The following FSD2 variants were observed in gnomAD, a reference collection of about 807,000 sequenced individuals.
FSD2 encodes fibronectin type III and SPRY domain containing 2.
FSD2 carries 71 observed loss-of-function variants against 80.4 expected under a neutral mutation model. The observed-to-expected ratio is 0.88, with a 90% CI of 0.73 to 1.08. The LOEUF (loss-of-function observed/expected upper bound fraction) is 1.08. Ranked by LOEUF, FSD2 falls within the 50% of genes least tolerant of loss-of-function variation. FSD2 has a pLI of 0.00. For synonymous variants in FSD2, 361 were observed against 329.5 expected (o/e 1.10, Z -1.03); for missense variants, 923 against 913.8 (o/e 1.01, Z -0.13).
Position 82,778,810 on chromosome 15 carries a change from A to C in FSD2, c.1067T>G (p.Phe356Cys). The C allele has an allele frequency of 6.2e-7, 1 of 1,613,904 alleles. No individual in the cohort carries two copies. The highest frequency in any genetic ancestry group is 8.5e-7 in the Non-Finnish European group (1 of 1,179,848). Residue 356 changes from phenylalanine to cysteine, a missense_variant, in exon 6 of 13, where the codon TTC (phenylalanine) becomes TGC (cysteine). Transcript: ENST00000334574. ...GCCCATCAGCTGCTCCACATCAGAGAAATCCAAGGTCTGGTCTTCAAACTC... is the reference window on the plus strand; with the variant it reads ...GCCCATCAGCTGCTCCACATCAGAGCAATCCAAGGTCTGGTCTTCAAACTC... ...QPEFEDQTLDFSDVEQLMGSI... is the reference protein window; with the variant it reads ...QPEFEDQTLDCSDVEQLMGSI...
Position 82,780,260 on chromosome 15 carries a change from A to G in FSD2, c.974T>C (p.Val325Ala). The G allele has an allele frequency of 2.0e-6, 3 of 1,504,190 alleles. No individual in the cohort carries two copies. The highest frequency in any genetic ancestry group is 2.6e-5 in the South Asian group (2 of 75,756). The allele number at this position is 1,504,190 out of a possible 1,614,324, so 93.2% of individuals were successfully genotyped here. A position where few individuals can be genotyped will look rare whatever the true frequency, so the allele number is the denominator to read the frequency against. The change falls in exon 5 of 13, where the codon GTG becomes GCG. Residue 325 changes from valine to alanine, a missense_variant. Physicochemically the swap from Val to Ala is moderately conservative, Grantham distance 64 (BLOSUM62 0). Coordinates refer to ENST00000334574, the MANE Select transcript of FSD2 (RefSeq NM_001007122.4). ...AATGTATTACCTGTCAGCCATAGCC[A>G]CTGCATCCTAAAAAGGAAAAAGAGA... ...EEKVDFIKDA[V>A]AMADRLGKFL...
Position 82,797,576 on chromosome 15 carries a change from C to T in FSD2, c.-79+8390G>A, listed in dbSNP as rs577261650. ...CTGTAATCCCAACACTTTGGGAGGC[C>T]GAGGCGGGCAGATCATGAGGTCAGG... On this transcript the variant is annotated intron_variant, in intron 1 of 12. Transcript: ENST00000334574. 1.7e-3 allele frequency among the ~76,000 whole-genome samples: 266 copies of T among 152,072 alleles called. 1 individual carries two copies. Among genetic ancestry groups the T allele is most frequent in the Non-Finnish European group, 2.5e-3 (170 of 67,962 alleles).
chr15:82,793,033 G>T (rs1478442959), intron 1 of FSD2, among the ~76,000 whole-genome samples: 1 of 152,138 alleles, frequency 6.6e-6, no homozygotes, highest in Admixed American at 6.5e-5. Context: ...TTCAACGTTT[G>T]GTAGAATTCA....
intron 1 of FSD2, among the ~76,000 whole-genome samples, chr15:82,805,400 G>C (rs550699247): frequency 6.6e-6 from 1 of 152,286 alleles, no homozygotes; most frequent in African/African-American, 2.4e-5. Flanking sequence ...AGCAGTGAAA[G>C]AAAGCTTGCC....
chr15:82,764,116 C>T (rs910418933), intron 11 of FSD2, among the ~76,000 whole-genome samples: 5 of 152,178 alleles, frequency 3.3e-5, no homozygotes, highest in Admixed American at 3.3e-4. Context: ...CTCCCACTAG[C>T]CCACAGCATG....
At chr15:82,759,661 A>G in intron 12 of FSD2, 61 bp from the exon 13 acceptor site, 1 of 1,329,668 alleles carries the variant, frequency 7.5e-7, no homozygotes, top group Non-Finnish European at 1.0e-6. Flanking sequence ...TATTTATAGA[A>G]CATTTCATAC....
At position 82,791,741 on chromosome 15, in the gene FSD2, C is replaced by T. The variant is rs867197114; in HGVS notation, c.-78-4273G>A. ...CCTTTAGCTATCACCACCAGCATTC[C>T]CCCATCTCCCCTATCCTAAGCAACA... On this transcript the variant is annotated intron_variant, in intron 1 of 12. Transcript: ENST00000334574. Among the ~76,000 whole-genome samples the T allele has an allele frequency of 2.2e-4, 34 of 152,242 alleles. No individual in the cohort carries two copies. The Middle Eastern group carries it at 0.01, about 46-fold the overall frequency.
At chr15:82,768,833 A>C (rs935215158) in intron 9 of FSD2, 47 bp downstream of exon 9, 2 of 1,388,678 alleles carry the variant, frequency 1.4e-6, no homozygotes, top group East Asian at 5.2e-5. Context: ...ATGTCACTGT[A>C]TCAGGTGTCA....
chr15:82,786,708 C>A, intron 2 of FSD2, 44 bp downstream of exon 2: 2 of 1,608,926 alleles, frequency 1.2e-6, no homozygotes, highest in Non-Finnish European at 1.7e-6. Flanking sequence ...CTTGAGATAC[C>A]AAAGCAATAT....
chr15:82,779,722 G>C (rs1056438547), intron 5 of FSD2, among the ~76,000 whole-genome samples: 25 of 151,856 alleles, frequency 1.6e-4, no homozygotes, highest in African/African-American at 5.3e-4. Context: ...TCCCTGCAGG[G>C]ATTACATTAT....
At chr15:82,791,267 G>C (rs1261998588) in intron 1 of FSD2, among the ~76,000 whole-genome samples, 1 of 151,966 alleles carries the variant, frequency 6.6e-6, no homozygotes, top group Non-Finnish European at 1.5e-5. Context: ...CAAAGTGCTG[G>C]GATTACAGGC....
At chr15:82,791,486 T>G (rs2050151132) in intron 1 of FSD2, among the ~76,000 whole-genome samples, 1 of 152,066 alleles carries the variant, frequency 6.6e-6, no homozygotes, top group Non-Finnish European at 1.5e-5. Context: ...TCCTCCCACC[T>G]CAGCCTCCCA....
At chr15:82,803,861 C>G (rs183555737) in intron 1 of FSD2, among the ~76,000 whole-genome samples, 17 of 152,114 alleles carry the variant, frequency 1.1e-4, no homozygotes, top group Non-Finnish European at 1.0e-4. Context: ...TTGTTTCTGC[C>G]ACATCCTGGA....
Position 82,762,183 on chromosome 15 carries a change from G to A in FSD2, c.1916C>T (p.Ala639Val). The stretch of plus-strand genomic sequence containing the variant: ...CTCCTGTTTACGGACATCTGCAAAG[G>A]CCACACCAACTCTGTAGTCCAAATG... ...DEHLDYRVGV[A>V]FADVRKQEDL... The change falls in exon 12 of 13, where the codon GCC (alanine) becomes GTC (valine). Residue 639 changes from alanine to valine, a missense_variant. Coordinates refer to ENST00000334574, the MANE Select transcript of FSD2 (RefSeq NM_001007122.4). 1.2e-6 allele frequency: 2 copies of A among 1,613,654 alleles called. No individual in the cohort carries two copies. The highest frequency in any genetic ancestry group is 1.7e-6 in the Non-Finnish European group (2 of 1,179,774).
chr15:82,783,083 CTTTTGTT>C lies in FSD2; in HGVS notation c.736-65_736-59del. The C allele has an allele frequency of 2.3e-6, 3 of 1,290,112 alleles. No individual in the cohort carries two copies. The Admixed American group carries it at 6.5e-5, about 28-fold the overall frequency. The allele number at this position is 1,290,112 out of a possible 1,614,324, so 79.9% of individuals were successfully genotyped here. A position where few individuals can be genotyped will look rare whatever the true frequency, so the allele number is the denominator to read the frequency against. On this transcript the variant is annotated intron_variant, in intron 3 of 12. Coordinates refer to ENST00000334574, the MANE Select transcript of FSD2 (RefSeq NM_001007122.4). The stretch of plus-strand genomic sequence containing the variant: ...GCGCATGTAGTGTGTTGATTAGAGT[CTTTTGTT>C]TTTTGTTTTTTTGTTTGTTTGTTTT...
intron 11 of FSD2, among the ~76,000 whole-genome samples, chr15:82,764,195 C>T (rs934671925): frequency 1.2e-4 from 18 of 152,122 alleles, no homozygotes; most frequent in South Asian, 4.1e-4. Flanking sequence ...CTAAATTAAA[C>T]GGAAAAACCC....
rs1473126515 is a variant in FSD2 at position 82,769,899 on chromosome 15, A to T, written c.1268-15T>A. The T allele has an allele frequency of 6.2e-7, 1 of 1,612,850 alleles. No individual in the cohort carries two copies. The highest frequency in any genetic ancestry group is 1.3e-5 in the African/African-American group (1 of 74,906). On this transcript the variant is annotated splice_polypyrimidine_tract_variant and intron_variant, in intron 7 of 12. Transcript: ENST00000334574. ...CACTGTAAACTCTGGGGAAAAAAAA[A>T]GATAAGAATTCAACCCTAAAAACTG...
At chr15:82,780,337 C>A in intron 4 of FSD2, 70 bp from the exon 5 acceptor site, 19 of 887,280 alleles carry the variant, frequency 2.1e-5, no homozygotes, top group Middle Eastern at 3.2e-4. Flanking sequence ...TTCTTTCTTT[C>A]TTTTTTTTTT....
intron 6 of FSD2, among the ~76,000 whole-genome samples, chr15:82,773,919 A>G (rs532688657): frequency 1.3e-5 from 2 of 152,330 alleles, no homozygotes; most frequent in African/African-American, 4.8e-5. Flanking sequence ...CTCAATTTTT[A>G]TAACAAAAAT....
Sources: allele counts gnomAD v4.1 joint callset (sites outside exome capture counted in the v4.1 genomes callset), GRCh38; gene constraint gnomAD v4.1.1; transcripts MANE v1.5; gene names NCBI Gene and HGNC (gene_info 2026-07-23, HGNC 2026-07-21).